ACSM3: variants seen among roughly 807,000 people sequenced by gnomAD.
ACSM3 encodes the protein acyl-coenzyme A synthetase ACSM3, mitochondrial.
In ACSM3, 61 loss-of-function variants were observed where a neutral mutation model predicts 74.1. The observed-to-expected ratio is 0.82, with a 90% CI of 0.67 to 1.02. The LOEUF (loss-of-function observed/expected upper bound fraction) is 1.02. Ranked by LOEUF, ACSM3 falls within the 50% of genes least tolerant of loss-of-function variation. The pLI is 0.00. For synonymous variants in ACSM3, 213 were observed against 241.5 expected, an observed-to-expected ratio of 0.88 and a Z score of 1.09; for missense variants, 660 against 697.0, an observed-to-expected ratio of 0.95 and a Z score of 0.60.
chr16:20,790,842 A>G lies in ACSM3; in HGVS notation c.1326+154A>G. ...AGTAATCCAAAAGACAAGAAATTGA[A>G]GAAATACCCAAATTCTTGCTGAAGA... On this transcript the variant is annotated intron_variant, in intron 10 of 13. Coordinates refer to ENST00000289416, the MANE Select transcript of ACSM3 (RefSeq NM_005622.4). The surrounding 1 kb of genome is among the most constrained non-coding windows in gnomAD (Gnocchi z 4.0). 6.2e-7 allele frequency: 1 copy of G among 1,614,076 alleles called. No individual in the cohort carries two copies. Among genetic ancestry groups the G allele is most frequent in the Non-Finnish European group, 8.5e-7 (1 of 1,179,964 alleles).
intron 3 of ACSM3, among the ~76,000 whole-genome samples, chr16:20,777,080 A>C (rs1443439390): frequency 6.6e-6 from 1 of 152,194 alleles, no homozygotes; most frequent in African/African-American, 2.4e-5. Context: ...AATATTGGTT[A>C]ATATTACTTT....
chr16:20,779,064 TTTAA>T (rs2080296814), intron 4 of ACSM3, among the ~76,000 whole-genome samples: 2 of 152,160 alleles, frequency 1.3e-5, no homozygotes, highest in Admixed American at 6.5e-5. Flanking sequence ...AGATAGTATT[TTTAA>T]TTAATTAAGA....
At chr16:20,757,301 T>C (rs1239602029) in intron 3 of ACSM3, among the ~76,000 whole-genome samples, 2 of 150,636 alleles carry the variant, frequency 1.3e-5, no homozygotes, top group African/African-American at 4.8e-5. Context: ...TGTATCCTCT[T>C]TTATTTCCTT....
chr16:20,738,089 T>C, intron 1 of ACSM3: 2 of 842,856 alleles, frequency 2.4e-6, no homozygotes, highest in Non-Finnish European at 3.8e-6. Flanking sequence ...TGAATCTACC[T>C]AGTCATTCTT....
chr16:20,741,481 G>GGGGGGGGGGGGCGC, intron 1 of ACSM3: 4 of 1,308,414 alleles, frequency 3.1e-6, no homozygotes, highest in Non-Finnish European at 3.0e-6. Flanking sequence ...CTGGCAGCCG[G>GGGGGGGGGGGGCGC]CCCGCCCGCC....
chr16:20,719,206 T>C (rs76224621), intron 1 of ACSM3: 2,130 of 167,976 alleles, frequency 0.013, 51 homozygotes, highest in African/African-American at 0.048. Context: ...GTCTGTTTTG[T>C]GGCTTCTTCA....
chr16:20,772,463 A>G (rs1184683944), intron 2 of ACSM3, among the ~76,000 whole-genome samples: 2 of 152,180 alleles, frequency 1.3e-5, no homozygotes, highest in African/African-American at 4.8e-5. Context: ...CATTTACACT[A>G]TATTTTCTTC....
At chr16:20,711,427 A>C in intron 1 of ACSM3, 9 of 807,616 alleles carry the variant, frequency 1.1e-5, no homozygotes, top group South Asian at 1.6e-5. Flanking sequence ...CACCGTCCAC[A>C]GAGTCTCACT....
At chr16:20,735,121 T>A (rs1361611870) in intron 1 of ACSM3, 4 of 152,038 alleles carry the variant, frequency 2.6e-5, no homozygotes, top group South Asian at 4.1e-4. Context: ...TTAAGAAAAA[T>A]TTTTTTCCCC....
chr16:20,689,325 G>A (rs4102379), intron 1 of ACSM3, among the ~76,000 whole-genome samples: 2 of 152,046 alleles, frequency 1.3e-5, no homozygotes, highest in Admixed American at 1.3e-4. Flanking sequence ...GAAATGAGAA[G>A]AAAATCAAAG....
At chr16:20,745,844 T>G (rs2079955539) in intron 1 of ACSM3, among the ~76,000 whole-genome samples, 2 of 152,184 alleles carry the variant, frequency 1.3e-5, no homozygotes, top group African/African-American at 4.8e-5. Flanking sequence ...AGGTAGGAGA[T>G]GCTCTTAGAC....
At chr16:20,705,066 G>T (rs1459725251) in intron 1 of ACSM3, among the ~76,000 whole-genome samples, 1 of 152,138 alleles carries the variant, frequency 6.6e-6, no homozygotes, top group Non-Finnish European at 1.5e-5. Context: ...ATAAGCCCTG[G>T]ACAAAATATA....
At chr16:20,691,964 T>C (rs575070981) in intron 1 of ACSM3, among the ~76,000 whole-genome samples, 3 of 152,224 alleles carry the variant, frequency 2.0e-5, no homozygotes, top group East Asian at 1.9e-4. Context: ...GGAGTAAGAA[T>C]CCTGCAGTCA....
intron 1 of ACSM3, among the ~76,000 whole-genome samples, chr16:20,748,158 A>AATAG (rs995856153): frequency 8.4e-6 from 1 of 119,142 alleles, no homozygotes; most frequent in African/African-American, 2.6e-5. Context: ...TAAATAAATA[A>AATAG]ATAGATAGAT....
chr16:20,737,018 C>T, intron 1 of ACSM3: 1 of 1,614,130 alleles, frequency 6.2e-7, no homozygotes, highest in Non-Finnish European at 8.5e-7. Context: ...TCTCTGGTAC[C>T]TGCTGGTTAT....
At chr16:20,698,542 G>A (rs914623269) in intron 1 of ACSM3, among the ~76,000 whole-genome samples, 4 of 152,060 alleles carry the variant, frequency 2.6e-5, no homozygotes, top group Non-Finnish European at 4.4e-5. Flanking sequence ...AGAATCTCAT[G>A]CTGTCACCCA....
chr16:20,706,110 A>G (rs2079726847), intron 1 of ACSM3, among the ~76,000 whole-genome samples: 2 of 151,994 alleles, frequency 1.3e-5, no homozygotes, highest in Non-Finnish European at 2.9e-5. Flanking sequence ...GTGTGTATAC[A>G]TAAAAATTGG....
chr16:20,772,801 T>C (rs1245803066), intron 2 of ACSM3, among the ~76,000 whole-genome samples: 1 of 152,088 alleles, frequency 6.6e-6, no homozygotes, highest in African/African-American at 2.4e-5. Context: ...GTGGTGTCTC[T>C]ACTAAAAATA....
intron 1 of ACSM3, among the ~76,000 whole-genome samples, chr16:20,678,245 G>C (rs1417413003): frequency 6.6e-6 from 1 of 151,518 alleles, no homozygotes; most frequent in Non-Finnish European, 1.5e-5. Context: ...TGAAACGGTG[G>C]CCCCCAGATT....
Sources: gnomAD v4.1 joint callset for allele counts (sites outside exome capture counted in the v4.1 genomes callset) on GRCh38, gnomAD v4.1.1 for gene constraint, Gnocchi (gnomAD v3.1) non-coding constraint, MANE v1.5 for transcripts, NCBI Gene and HGNC (gene_info 2026-07-23, HGNC 2026-07-21) for gene names.